The following PPP4R4 variants were observed in gnomAD, a reference collection of about 807,000 sequenced individuals.
The protein encoded by PPP4R4 is protein phosphatase 4 regulatory subunit 4.
In PPP4R4, 70 loss-of-function variants were observed where a neutral mutation model predicts 121.8. That is an observed-to-expected ratio of 0.57 (90% confidence interval 0.47 to 0.70). The LOEUF is 0.70. Among genes scored for constraint, PPP4R4 ranks in the 30% least tolerant of loss-of-function variants. The pLI is 0.00. For missense variants in PPP4R4, 875 were observed against 1,033.6 expected (o/e 0.85, Z 2.10); for synonymous variants, 348 against 355.7 (o/e 0.98, Z 0.24).
intron 2 of PPP4R4, among the ~76,000 whole-genome samples, chr14:94,185,385 GT>G (rs1889217334): frequency 6.6e-6 from 1 of 152,094 alleles, no homozygotes; most frequent in African/African-American, 2.4e-5. Flanking sequence ...GCTTGTGCCT[GT>G]TTTTTGGCTA....
intron 6 of PPP4R4, 149 bp downstream of exon 6, chr14:94,233,908 TTTAC>T: frequency 1.6e-6 from 1 of 614,616 alleles, no homozygotes; most frequent in South Asian, 2.2e-5. Flanking sequence ...TCATGACGAA[TTTAC>T]TTATTCAGAT....
At chr14:94,254,536 C>T (rs1893362779) in intron 16 of PPP4R4, among the ~76,000 whole-genome samples, 1 of 152,104 alleles carries the variant, frequency 6.6e-6, no homozygotes, top group Non-Finnish European at 1.5e-5. Flanking sequence ...AGCTTCTTTA[C>T]CCTTTTTGGT....
At position 94,279,336 on chromosome 14, in the gene PPP4R4, C is replaced by T. The variant is rs1894811111; in HGVS notation, c.*693C>T. The T allele has an allele frequency of 6.6e-6, 1 of 152,478 alleles. No homozygotes were observed. Among genetic ancestry groups the T allele is most frequent in the Non-Finnish European group, 1.5e-5 (1 of 68,014 alleles). 9.4% of individuals were successfully genotyped at this position (152,478 alleles called of 1,614,324 possible). ...TCCTAGAGAATTTATTTTATAAATACTTTGTTTACATTTTAGATTGTACTT... is the reference window on the plus strand; with the variant it reads ...TCCTAGAGAATTTATTTTATAAATATTTTGTTTACATTTTAGATTGTACTT... On this transcript the variant is annotated 3_prime_UTR_variant, in exon 25 of 25. Coordinates refer to ENST00000304338, the MANE Select transcript of PPP4R4 (RefSeq NM_058237.2).
intron 19 of PPP4R4, among the ~76,000 whole-genome samples, chr14:94,264,192 A>G (rs1341340043): frequency 6.6e-6 from 1 of 152,202 alleles, no homozygotes; most frequent in Non-Finnish European, 1.5e-5. Flanking sequence ...TCTGTCACCC[A>G]GGCTGGAGTG....
intron 3 of PPP4R4, among the ~76,000 whole-genome samples, chr14:94,211,490 T>C (rs1595477596): frequency 6.6e-6 from 1 of 152,018 alleles, no homozygotes; most frequent in Non-Finnish European, 1.5e-5. Flanking sequence ...GTGAAAGAGC[T>C]GGGTGGGACT....
intron 3 of PPP4R4, among the ~76,000 whole-genome samples, chr14:94,220,801 T>A: frequency 6.6e-6 from 1 of 152,180 alleles, no homozygotes; most frequent in African/African-American, 2.4e-5. Context: ...ATTGTGAAGA[T>A]GTCAGTTTGC....
intron 6 of PPP4R4, 79 bp downstream of exon 6, chr14:94,233,838 G>A (rs1566677281): frequency 2.1e-6 from 2 of 962,646 alleles, no homozygotes. Flanking sequence ...CAATATATTT[G>A]TGTTATTTCA....
At chr14:94,220,531 C>T (rs994696695) in intron 3 of PPP4R4, among the ~76,000 whole-genome samples, 5 of 151,600 alleles carry the variant, frequency 3.3e-5, no homozygotes, top group African/African-American at 9.7e-5. Flanking sequence ...AACTTCCAAG[C>T]GAGTATAGAA....
chr14:94,234,299 C>G (rs944797984), intron 6 of PPP4R4, among the ~76,000 whole-genome samples: 2 of 152,142 alleles, frequency 1.3e-5, no homozygotes, highest in South Asian at 4.1e-4. Flanking sequence ...ACTGCTACAG[C>G]CTTTTATCTT....
At chr14:94,223,699 C>T (rs1471183652) in intron 3 of PPP4R4, among the ~76,000 whole-genome samples, 1 of 152,114 alleles carries the variant, frequency 6.6e-6, no homozygotes, top group Non-Finnish European at 1.5e-5. Flanking sequence ...ATGTTTTGTT[C>T]AGCTTTAAAA....
At chr14:94,224,868 A>G (rs555176152) in intron 3 of PPP4R4, among the ~76,000 whole-genome samples, 1 of 152,228 alleles carries the variant, frequency 6.6e-6, no homozygotes, top group South Asian at 2.1e-4. Flanking sequence ...TATTGGAAAC[A>G]TAATTTTACA....
chr14:94,188,443 T>C (rs1029668366), intron 2 of PPP4R4, among the ~76,000 whole-genome samples: 1 of 152,142 alleles, frequency 6.6e-6, no homozygotes, highest in African/African-American at 2.4e-5. Flanking sequence ...GACCCTACAA[T>C]CAAAATGCCT....
intron 15 of PPP4R4, among the ~76,000 whole-genome samples, chr14:94,251,109 G>A (rs1354490494): frequency 6.6e-6 from 1 of 151,906 alleles, no homozygotes; most frequent in Non-Finnish European, 1.5e-5. Flanking sequence ...TGTTTAGAAT[G>A]TTTTATTTTG....
intron 2 of PPP4R4, among the ~76,000 whole-genome samples, chr14:94,204,116 C>T (rs1226608698): frequency 6.6e-6 from 1 of 152,068 alleles, no homozygotes; most frequent in African/African-American, 2.4e-5. Flanking sequence ...AGCCCTAGAT[C>T]TAGAAGCTAT....
intron 23 of PPP4R4, among the ~76,000 whole-genome samples, chr14:94,274,904 ATAT>A (rs1311725426): frequency 2.0e-5 from 3 of 152,198 alleles, no homozygotes; most frequent in Admixed American, 6.5e-5. Context: ...CTATCAACAG[ATAT>A]TATGGGTAAA....
intron 16 of PPP4R4, among the ~76,000 whole-genome samples, chr14:94,253,616 T>C (rs1413768960): frequency 1.3e-5 from 2 of 152,228 alleles, no homozygotes; most frequent in Non-Finnish European, 2.9e-5. Flanking sequence ...ACAAAAATAA[T>C]TTGAAAGGAA....
chr14:94,213,307 A>T (rs1890839706), intron 3 of PPP4R4, among the ~76,000 whole-genome samples: 1 of 152,134 alleles, frequency 6.6e-6, no homozygotes, highest in Non-Finnish European at 1.5e-5. Context: ...TCCTGTCTGT[A>T]CTACAGCAGC....
At chr14:94,237,791 C>G in intron 8 of PPP4R4, 105 bp downstream of exon 8, 1 of 1,297,006 alleles carries the variant, frequency 7.7e-7, no homozygotes, top group Non-Finnish European at 1.1e-6. Context: ...TATGTTAAGC[C>G]TCCCTTCCTC....
intron 16 of PPP4R4, among the ~76,000 whole-genome samples, chr14:94,253,436 G>A (rs1421156391): frequency 6.6e-6 from 1 of 152,198 alleles, no homozygotes; most frequent in East Asian, 1.9e-4. Context: ...CTCCAGCCTA[G>A]GTGACAGAGC....
Sources: allele counts gnomAD v4.1 joint callset (sites outside exome capture counted in the v4.1 genomes callset), GRCh38; gene constraint gnomAD v4.1.1; transcripts MANE v1.5; gene names NCBI Gene and HGNC (gene_info 2026-07-23, HGNC 2026-07-21).